GABRB3: variants seen among roughly 807,000 people sequenced by gnomAD.
The protein encoded by GABRB3 is gamma-aminobutyric acid type A receptor subunit beta3.
In GABRB3, 14 loss-of-function variants were observed where a neutral mutation model predicts 52.1. That is an observed-to-expected ratio of 0.27 (90% CI 0.18 to 0.42). The LOEUF (loss-of-function observed/expected upper bound fraction) is 0.42. GABRB3 is among the 10% of genes least tolerant of loss of function. The pLI, the probability that GABRB3 is intolerant of heterozygous loss-of-function variation, is 1.00. For synonymous variants in GABRB3, 260 were observed against 232.3 expected (o/e 1.12, Z -1.08); for missense variants, 307 against 609.1 (o/e 0.50, Z 5.22).
chr15:26,564,661 C>A (rs1481032273), intron 7 of GABRB3, among the ~76,000 whole-genome samples: 3 of 152,176 alleles, frequency 2.0e-5, no homozygotes, highest in African/African-American at 7.2e-5. Context: ...CAAAGCTGTG[C>A]TATAAGACTA....
intron 3 of GABRB3, among the ~76,000 whole-genome samples, chr15:26,684,906 A>G (rs1305187290): frequency 6.6e-6 from 1 of 152,240 alleles, no homozygotes; most frequent in East Asian, 1.9e-4. Flanking sequence ...AAGAATTACC[A>G]AAATGTAACT....
intron 3 of GABRB3, among the ~76,000 whole-genome samples, chr15:26,633,037 G>A (rs771918960): frequency 3.9e-5 from 6 of 152,068 alleles, no homozygotes; most frequent in Non-Finnish European, 5.9e-5. Context: ...ATGAAAATGT[G>A]CTGTGTTTTC....
At chr15:26,560,685 C>A (rs1333542377) in intron 8 of GABRB3, among the ~76,000 whole-genome samples, 1 of 152,144 alleles carries the variant, frequency 6.6e-6, no homozygotes, top group South Asian at 2.1e-4. Context: ...TGTAAGCCTA[C>A]AACCACTGGT....
At chr15:26,680,647 G>A (rs1888211553) in intron 3 of GABRB3, among the ~76,000 whole-genome samples, 2 of 152,292 alleles carry the variant, frequency 1.3e-5, no homozygotes, top group South Asian at 4.1e-4. Context: ...AAGTTGTGGT[G>A]GTCAGATTGA....
chr15:26,585,935 T>A (rs1427284628), intron 4 of GABRB3, among the ~76,000 whole-genome samples: 8 of 152,220 alleles, frequency 5.3e-5, no homozygotes, highest in Non-Finnish European at 1.5e-5. Flanking sequence ...AAATTATGAA[T>A]CTTTATGAAG....
At chr15:26,567,541 G>T (rs1216997621) in intron 7 of GABRB3, 40 bp downstream of exon 7, 4 of 1,598,146 alleles carry the variant, frequency 2.5e-6, no homozygotes, top group Non-Finnish European at 3.4e-6. Flanking sequence ...TAATGATACG[G>T]TTACTTTACA....
intron 3 of GABRB3, among the ~76,000 whole-genome samples, chr15:26,711,761 T>G (rs1436761968): frequency 6.6e-6 from 1 of 152,206 alleles, no homozygotes. Flanking sequence ...GCCAGCAGCA[T>G]CAACCACCTG....
intron 3 of GABRB3, among the ~76,000 whole-genome samples, chr15:26,754,281 G>C (rs1890596038): frequency 6.6e-6 from 1 of 152,176 alleles, no homozygotes; most frequent in African/African-American, 2.4e-5. Flanking sequence ...GAAAGCAGAA[G>C]AGCACCTTTG....
At chr15:26,568,380 T>C (rs532646972) in intron 6 of GABRB3, among the ~76,000 whole-genome samples, 59 of 152,168 alleles carry the variant, frequency 3.9e-4, no homozygotes, top group Non-Finnish European at 7.1e-4. Flanking sequence ...GATGTGAACA[T>C]TCCACTCAAC....
At chr15:26,558,048 T>G (rs1230568166) in intron 8 of GABRB3, 1 of 152,170 alleles carries the variant, frequency 6.6e-6, no homozygotes, top group Non-Finnish European at 1.5e-5. Flanking sequence ...GTTGTATGTG[T>G]ATGTGTATGT....
Position 26,772,994 on chromosome 15 carries a change from G to T in GABRB3, c.-32C>A. 1 of 1,341,022 alleles carries T rather than the reference G, an allele frequency of 7.5e-7. No individual in the cohort carries two copies. Among genetic ancestry groups the T allele is most frequent in the Non-Finnish European group, 9.7e-7 (1 of 1,035,924 alleles). 83.1% of individuals were successfully genotyped at this position (1,341,022 alleles called of 1,614,324 possible). On this transcript the variant is annotated 5_prime_UTR_variant, in exon 1 of 9. Coordinates refer to ENST00000311550, the MANE Select transcript of GABRB3 (RefSeq NM_000814.6). The stretch of plus-strand genomic sequence containing the variant: ...GCCGCGCCCCGGCACGGGGGAGGGG[G>T]CGCCCCGCCGCCGTCGCGACCCGCA...
At chr15:26,615,883 AT>A (rs1488578450) in intron 4 of GABRB3, 13 of 1,256,706 alleles carry the variant, frequency 1.0e-5, no homozygotes, top group African/African-American at 1.5e-5. Context: ...TCCAACCAGT[AT>A]TTCAAGCACA....
intron 3 of GABRB3, among the ~76,000 whole-genome samples, chr15:26,639,529 T>C (rs1893145542): frequency 6.6e-6 from 1 of 152,136 alleles, no homozygotes; most frequent in Admixed American, 6.6e-5. Context: ...CACTACATCA[T>C]TTTATATCAA....
chr15:26,653,319 C>T (rs1887255098), intron 3 of GABRB3, among the ~76,000 whole-genome samples: 1 of 152,092 alleles, frequency 6.6e-6, no homozygotes, highest in African/African-American at 2.4e-5. Flanking sequence ...ATTGTAAAAC[C>T]TAAGATTGGT....
intron 3 of GABRB3, among the ~76,000 whole-genome samples, chr15:26,675,389 T>C (rs1888035100): frequency 6.6e-6 from 1 of 152,112 alleles, no homozygotes; most frequent in Non-Finnish European, 1.5e-5. Context: ...CAGGAACCCG[T>C]TTAAAGACTG....
intron 8 of GABRB3, among the ~76,000 whole-genome samples, chr15:26,554,470 G>C (rs1889679300): frequency 6.6e-6 from 1 of 151,762 alleles, no homozygotes; most frequent in Non-Finnish European, 1.5e-5. Context: ...GGAAGAAAGG[G>C]GAGTATTTTG....
At chr15:26,728,585 C>CA (rs1191434621) in intron 3 of GABRB3, among the ~76,000 whole-genome samples, 1 of 152,218 alleles carries the variant, frequency 6.6e-6, no homozygotes, top group Non-Finnish European at 1.5e-5. Flanking sequence ...GGCCACACAG[C>CA]ACACGCTGCC....
rs1567097939 is a variant in GABRB3, at chr15:26,554,197, A to T, written c.1081-6063T>A. On this transcript the variant is annotated intron_variant, in intron 8 of 8. Transcript: ENST00000311550. ...TAAAGTATATATATATATACTATATATATATATATATAGTAGAAACAAGGT... is the reference window on the plus strand; with the variant it reads ...TAAAGTATATATATATATACTATATTTATATATATATAGTAGAAACAAGGT... Among the ~76,000 whole-genome samples the T allele has an allele frequency of 3.7e-4, 31 of 83,026 alleles. 5 individuals carry two copies. The highest frequency in any genetic ancestry group is 1.2e-3 in the South Asian group (3 of 2,478). 54.5% of individuals were successfully genotyped at this position (83,026 alleles called of 152,430 possible).
chr15:26,688,569 A>G (rs1299309076), intron 3 of GABRB3, among the ~76,000 whole-genome samples: 2 of 152,240 alleles, frequency 1.3e-5, no homozygotes, highest in Non-Finnish European at 2.9e-5. Flanking sequence ...AATGAGAGCC[A>G]TAGGTGTGTC....
Sources: gnomAD v4.1 joint callset for allele counts (sites outside exome capture counted in the v4.1 genomes callset) on GRCh38, gnomAD v4.1.1 for gene constraint, MANE v1.5 for transcripts, NCBI Gene and HGNC (gene_info 2026-07-23, HGNC 2026-07-21) for gene names.